The following PRSS23 variants were observed in gnomAD, a reference collection of about 807,000 sequenced individuals.
The protein encoded by PRSS23 is serine protease 23, also known as protease, serine 23.
PRSS23 carries 25 observed loss-of-function variants against 34.7 expected under a neutral mutation model. The ratio of observed to expected loss-of-function variants is 0.72; its 90% CI spans 0.53 to 1.01. The LOEUF (loss-of-function observed/expected upper bound fraction) is 1.01, where lower values mean the gene tolerates loss of function less well. PRSS23 is among the 50% of genes least tolerant of loss of function. The pLI is 0.00. For synonymous variants in PRSS23, 176 were observed against 186.6 expected, an observed-to-expected ratio of 0.94 and a Z score of 0.46; for missense variants, 445 against 475.6, an observed-to-expected ratio of 0.94 and a Z score of 0.60.
At chr11:86,823,013 C>G (rs564902593) in intron 1 of PRSS23, among the ~76,000 whole-genome samples, 1 of 152,298 alleles carries the variant, frequency 6.6e-6, no homozygotes, top group Non-Finnish European at 1.5e-5. Flanking sequence ...GCCACAGATT[C>G]CTGTCACTTT....
chr11:86,853,149 C>T (rs554872203), intron 2 of PRSS23, among the ~76,000 whole-genome samples: 8 of 150,336 alleles, frequency 5.3e-5, no homozygotes, highest in South Asian at 2.1e-4. Flanking sequence ...CCACTGAGCC[C>T]GGTCGTGTTT....
At chr11:86,869,955 T>C (rs550454915) in intron 2 of PRSS23, among the ~76,000 whole-genome samples, 61 of 152,212 alleles carry the variant, frequency 4.0e-4, no homozygotes, top group Admixed American at 8.5e-4. Context: ...TTTAACTGAT[T>C]TGCACAAGAT....
intron 2 of PRSS23, among the ~76,000 whole-genome samples, chr11:86,873,224 G>GTGTA (rs1948697656): frequency 5.0e-5 from 4 of 80,444 alleles, no homozygotes; most frequent in African/African-American, 2.7e-4. Flanking sequence ...ACAGATATAT[G>GTGTA]TATATATATA....
chr11:86,852,735 A>G (rs1054622327), intron 2 of PRSS23, among the ~76,000 whole-genome samples: 1 of 152,160 alleles, frequency 6.6e-6, no homozygotes, highest in Non-Finnish European at 1.5e-5. Context: ...GGACCCATTA[A>G]CCAAACTCTC....
rs1248926054 is a variant in PRSS23, at chr11:86,810,794, T to C, written c.*1999T>C. 6.0e-6 allele frequency: 1 copy of C among 167,046 alleles called. No individual in the cohort carries two copies. The highest frequency in any genetic ancestry group is 2.4e-5 in the African/African-American group (1 of 41,456). The allele number at this position is 167,046 out of a possible 1,614,324, so 10.3% of individuals were successfully genotyped here. ...ACTAAAGAATGATACACCCATATGC[T>C]ATATACAGCTTAACTCACAGAACTG... On this transcript the variant is annotated 3_prime_UTR_variant, in exon 2 of 2. Transcript: ENST00000280258.
intron 1 of PRSS23, chr11:86,823,205 T>G: frequency 1.7e-6 from 1 of 602,014 alleles, no homozygotes; most frequent in East Asian, 2.8e-5. Context: ...ATTCAGTTCC[T>G]ATTTCTTTTA....
chr11:86,835,867 T>C (rs1948401115), intron 2 of PRSS23, among the ~76,000 whole-genome samples: 1 of 152,082 alleles, frequency 6.6e-6, no homozygotes, highest in Admixed American at 6.5e-5. Context: ...TAAAAGTAAA[T>C]CATCCACGTA....
At chr11:86,905,843 C>T (rs1455966446) in intron 2 of PRSS23, among the ~76,000 whole-genome samples, 2 of 152,154 alleles carry the variant, frequency 1.3e-5, no homozygotes, top group South Asian at 2.1e-4. Flanking sequence ...GAAAACATGA[C>T]CCCTTTGCAC....
At chr11:86,867,874 CAA>C (rs11352878) in intron 2 of PRSS23, among the ~76,000 whole-genome samples, 345 of 118,240 alleles carry the variant, frequency 2.9e-3, no homozygotes, top group Middle Eastern at 4.7e-3. Context: ...GACCCTACCT[CAA>C]AAAAAAAAAA....
rs557714112 is a variant in PRSS23 at position 86,806,467 on chromosome 11, G to A, written c.-13-1164G>A. Reference sequence around the variant, plus strand: ...AAGCATCAAGGAGGGACAGCTCCACGGTGTCACCTTTACTAGGACTCCTAT... The same window carrying A: ...AAGCATCAAGGAGGGACAGCTCCACAGTGTCACCTTTACTAGGACTCCTAT... On this transcript the variant is annotated intron_variant, in intron 1 of 1. Transcript: ENST00000280258. Among the ~76,000 whole-genome samples, 11 of 152,282 alleles carry A rather than the reference G, an allele frequency of 7.2e-5. 2 individuals carry two copies. In the South Asian group the frequency reaches 2.3e-3, roughly 32 times the overall value.
chr11:86,894,156 G>A (rs1321111134), intron 2 of PRSS23, among the ~76,000 whole-genome samples: 1 of 152,156 alleles, frequency 6.6e-6, no homozygotes, highest in Non-Finnish European at 1.5e-5. Flanking sequence ...TGGGATTACA[G>A]ACATGTGCCA....
downstream of PRSS23, among the ~76,000 whole-genome samples, chr11:86,812,265 G>A (rs565106034): frequency 2.4e-4 from 36 of 152,274 alleles, no homozygotes; most frequent in South Asian, 1.2e-3. Flanking sequence ...AGCTCCCTGC[G>A]TTTCTCCTCT....
intron 2 of PRSS23, among the ~76,000 whole-genome samples, chr11:86,881,769 CTTAT>C (rs1356945888): frequency 6.6e-6 from 1 of 152,096 alleles, no homozygotes; most frequent in African/African-American, 2.4e-5. Context: ...ATTCAATCTC[CTTAT>C]TTGTTATAGG....
At chr11:86,853,610 T>C (rs1217627361) in intron 2 of PRSS23, among the ~76,000 whole-genome samples, 1 of 152,138 alleles carries the variant, frequency 6.6e-6, no homozygotes, top group Non-Finnish European at 1.5e-5. Flanking sequence ...TGAACTGCAG[T>C]GTGCTTTTTC....
chr11:86,852,564 A>G (rs1948538026), intron 2 of PRSS23, among the ~76,000 whole-genome samples: 1 of 152,166 alleles, frequency 6.6e-6, no homozygotes, highest in African/African-American at 2.4e-5. Context: ...AATATTAAAA[A>G]TTATAAATAT....
At chr11:86,857,842 G>C in intron 2 of PRSS23, 1 of 577,550 alleles carries the variant, frequency 1.7e-6, no homozygotes, top group Non-Finnish European at 3.3e-6. Context: ...GAAGTACATG[G>C]GGGTGTGGAA....
intron 2 of PRSS23, chr11:86,832,690 G>A (rs1026054156): frequency 2.0e-5 from 7 of 342,654 alleles, no homozygotes; most frequent in Non-Finnish European, 2.8e-5. Flanking sequence ...ACCCCCCAAC[G>A]ACTTTTCCAT....
intron 2 of PRSS23, chr11:86,892,351 T>C (rs1434955789): frequency 6.6e-6 from 1 of 152,256 alleles, no homozygotes; most frequent in Non-Finnish European, 1.5e-5. Context: ...TCCTTCCAGA[T>C]AGGATTAAGT....
chr11:86,827,604 C>G (rs969938187), intron 2 of PRSS23, among the ~76,000 whole-genome samples: 1 of 152,076 alleles, frequency 6.6e-6, no homozygotes, highest in Non-Finnish European at 1.5e-5. Flanking sequence ...AATTTTGGAT[C>G]TTTCCTGCTT....
Sources: gnomAD v4.1 joint callset for allele counts (sites outside exome capture counted in the v4.1 genomes callset) on GRCh38, gnomAD v4.1.1 for gene constraint, MANE v1.5 for transcripts, NCBI Gene and HGNC (gene_info 2026-07-23, HGNC 2026-07-21) for gene names.